Variants in TBC1D30 observed in about 807,000 individuals in gnomAD.
TBC1D30 encodes the protein TBC1 domain family, member 30.
In TBC1D30, 31 loss-of-function variants were observed where a neutral mutation model predicts 63.2. The ratio of observed to expected loss-of-function variants is 0.49; its 90% CI spans 0.37 to 0.66. The LOEUF (loss-of-function observed/expected upper bound fraction) is 0.66, where lower values mean the gene tolerates loss of function less well. Among genes scored for constraint, TBC1D30 ranks in the 30% least tolerant of loss-of-function variants. The pLI, the probability that TBC1D30 is intolerant of heterozygous loss-of-function variation, is 0.00. For synonymous variants in TBC1D30, 307 were observed against 361.5 expected, an observed-to-expected ratio of 0.85 and a Z score of 1.71; for missense variants, 810 against 953.6, an observed-to-expected ratio of 0.85 and a Z score of 1.98.
intron 11 of TBC1D30, among the ~76,000 whole-genome samples, chr12:64,874,541 GA>G (rs1878894705): frequency 6.6e-6 from 1 of 152,160 alleles, no homozygotes; most frequent in African/African-American, 2.4e-5. Flanking sequence ...CATTCTGCTG[GA>G]TCTCACTTCA....
At chr12:64,864,480 C>T (rs964901613) in intron 8 of TBC1D30, among the ~76,000 whole-genome samples, 188 bp from the exon 9 acceptor site, 1 of 152,146 alleles carries the variant, frequency 6.6e-6, no homozygotes, top group Non-Finnish European at 1.5e-5. Flanking sequence ...CCCACTGGGT[C>T]GGGTTTAATC....
In TBC1D30 at chr12:64,875,091, C is replaced by G; in HGVS notation, c.1589C>G (p.Thr530Ser). The G allele has an allele frequency of 6.5e-7, 1 of 1,536,500 alleles. No individual in the cohort carries two copies. Residue 530 changes from threonine to serine, a missense_variant, in exon 12 of 12, where the codon ACT (threonine) becomes AGT (serine). Thr to Ser is a moderately conservative substitution (Grantham distance 58). This residue lies in a region of TBC1D30 where 450 missense variants were observed against 473.0 expected (regional missense o/e 0.95). Coordinates refer to ENST00000539867, the MANE Select transcript of TBC1D30 (RefSeq NM_015279.2). ...CTTTTAGGAAAGAAGATGAAAATGA[C>G]TAACAGAGCTGCCAAGAATGCTGTC... ...HLLLGKKMKM[T>S]NRAAKNAVIH... is the part of the protein sequence containing the mutation.
intron 2 of TBC1D30, among the ~76,000 whole-genome samples, chr12:64,788,990 A>G (rs1565642490): frequency 6.6e-6 from 1 of 152,130 alleles, no homozygotes; most frequent in Non-Finnish European, 1.5e-5. Flanking sequence ...CTCTTTCCTC[A>G]AAGTCAACTA....
intron 11 of TBC1D30, among the ~76,000 whole-genome samples, chr12:64,871,202 AG>A (rs1271518502): frequency 6.6e-6 from 1 of 152,214 alleles, no homozygotes; most frequent in Non-Finnish European, 1.5e-5. Context: ...GCTGTATACT[AG>A]TCATTTAGGT....
At chr12:64,834,999 G>C (rs946342860) in intron 5 of TBC1D30, among the ~76,000 whole-genome samples, 1 of 151,936 alleles carries the variant, frequency 6.6e-6, no homozygotes, top group African/African-American at 2.4e-5. Context: ...CTTTACGTCT[G>C]CATTCATGAT....
intron 8 of TBC1D30, among the ~76,000 whole-genome samples, chr12:64,855,010 TTTTG>T (rs1877181024): frequency 1.3e-5 from 2 of 152,198 alleles, no homozygotes; most frequent in African/African-American, 4.8e-5. Context: ...ATCCCTCAGC[TTTTG>T]TTTGTCTAGG....
At chr12:64,861,184 A>T (rs1336349647) in intron 8 of TBC1D30, among the ~76,000 whole-genome samples, 1 of 152,232 alleles carries the variant, frequency 6.6e-6, no homozygotes, top group Admixed American at 6.5e-5. Flanking sequence ...ACTAAGCCTA[A>T]TTTTGTGCAA....
At chr12:64,843,328 C>G (rs1876064422) in intron 7 of TBC1D30, 52 bp from the exon 8 acceptor site, 1 of 1,452,666 alleles carries the variant, frequency 6.9e-7, no homozygotes, top group South Asian at 1.2e-5. Flanking sequence ...TGTACTGTTA[C>G]ACAGCATGGA....
Position 64,876,715 on chromosome 12 carries a change from C to A in TBC1D30, c.*927C>A, listed in dbSNP as rs1311431241. 2.2e-5 allele frequency: 10 copies of A among 448,866 alleles called. No homozygotes were observed. Among genetic ancestry groups the A allele is most frequent in the Admixed American group, 4.7e-5 (2 of 42,264 alleles). The allele number at this position is 448,866 out of a possible 1,614,324, so 27.8% of individuals were successfully genotyped here. ...GAACACAGCACCTGTGACTCTGTTA[C>A]TTGAATTTTGTGCTTTTTGATTGGA... is the stretch of plus-strand genomic sequence containing the variant. On this transcript the variant is annotated 3_prime_UTR_variant, in exon 12 of 12. Coordinates refer to ENST00000539867, the MANE Select transcript of TBC1D30 (RefSeq NM_015279.2).
intron 8 of TBC1D30, among the ~76,000 whole-genome samples, chr12:64,848,437 G>A (rs139796300): frequency 1.0e-3 from 153 of 151,942 alleles, no homozygotes; most frequent in Non-Finnish European, 1.7e-3. Context: ...CCCATACCCC[G>A]CGACAGGCCC....
At chr12:64,831,325 G>A (rs1241309435) in intron 4 of TBC1D30, among the ~76,000 whole-genome samples, 1 of 152,128 alleles carries the variant, frequency 6.6e-6, no homozygotes, top group Non-Finnish European at 1.5e-5. Flanking sequence ...AAAAGCCTTT[G>A]CATTATTCAC....
At chr12:64,761,229 C>T (rs1009975024) in intron 1 of TBC1D30, among the ~76,000 whole-genome samples, 1 of 152,088 alleles carries the variant, frequency 6.6e-6, no homozygotes, top group African/African-American at 2.4e-5. Flanking sequence ...TCATCTGTAT[C>T]GAAGCCCCAA....
intron 1 of TBC1D30, among the ~76,000 whole-genome samples, chr12:64,775,288 C>A (rs545218349): frequency 1.3e-5 from 2 of 151,880 alleles, no homozygotes; most frequent in African/African-American, 4.8e-5. Flanking sequence ...TCAATAATAA[C>A]CTTAAATGTA....
rs893127002 is a variant in TBC1D30, at chr12:64,880,241, A to C, written c.*4453A>C. ...TCTTCCACAAAGGCAGCCAGTGCTC[A>C]CCTGAATGGGGACTGGTACTGTAGG... On this transcript the variant is annotated 3_prime_UTR_variant, in exon 12 of 12. Transcript: ENST00000539867. The C allele has an allele frequency of 1.3e-5, 2 of 152,240 alleles. No individual in the cohort carries two copies. The highest frequency in any genetic ancestry group is 6.5e-5 in the Admixed American group (1 of 15,278). The allele number at this position is 152,240 out of a possible 1,614,324, so 9.4% of individuals were successfully genotyped here.
intron 1 of TBC1D30, among the ~76,000 whole-genome samples, chr12:64,827,615 CA>C (rs1409110177): frequency 1.3e-5 from 2 of 151,978 alleles, no homozygotes; most frequent in East Asian, 3.9e-4. Flanking sequence ...CTATGTAAAC[CA>C]CCGTCATATG....
intron 1 of TBC1D30, chr12:64,781,292 G>T: frequency 1.8e-6 from 2 of 1,121,246 alleles, no homozygotes; most frequent in Non-Finnish European, 2.2e-6. Context: ...GAAAGGTGAG[G>T]GCCGGGCGCA....
intron 8 of TBC1D30, among the ~76,000 whole-genome samples, chr12:64,861,207 T>A (rs1308434576): frequency 5.9e-5 from 9 of 152,232 alleles, no homozygotes; most frequent in Non-Finnish European, 1.5e-5. Context: ...CATGTTTTCA[T>A]ATTTCTTGTA....
intron 2 of TBC1D30, 67 bp from the exon 3 acceptor site, chr12:64,828,377 A>G (rs906196426): frequency 1.1e-5 from 13 of 1,177,964 alleles, no homozygotes; most frequent in African/African-American, 1.5e-5. Context: ...TCAAGATGGG[A>G]AAAAGATTGC....
At chr12:64,770,782 C>T (rs1263085423) in intron 1 of TBC1D30, among the ~76,000 whole-genome samples, 1 of 151,696 alleles carries the variant, frequency 6.6e-6, no homozygotes, top group Non-Finnish European at 1.5e-5. Context: ...CAGCTCACTG[C>T]AACCTCCGCC....
Sources: allele counts gnomAD v4.1 joint callset (sites outside exome capture counted in the v4.1 genomes callset), GRCh38; gene constraint gnomAD v4.1.1; regional missense constraint gnomAD v4.1.1; transcripts MANE v1.5; gene names NCBI Gene and HGNC (gene_info 2026-07-23, HGNC 2026-07-21).